Variants in MYOZ3 observed in about 807,000 individuals in gnomAD.
The protein encoded by MYOZ3 is myozenin 3.
A neutral mutation model predicts 26.5 loss-of-function variants in MYOZ3; 19 were observed. That is an observed-to-expected ratio of 0.72 (90% confidence interval 0.50 to 1.05). MYOZ3 has a LOEUF of 1.05. MYOZ3 is among the 50% of genes least tolerant of loss of function. The pLI, the probability that MYOZ3 is intolerant of heterozygous loss-of-function variation, is 0.00. For missense variants in MYOZ3, 322 were observed against 337.1 expected (o/e 0.96, Z 0.35); for synonymous variants, 135 against 138.8 (o/e 0.97, Z 0.19).
At chr5:150,670,304 T>C in intron 2 of MYOZ3, 180 bp from the exon 3 acceptor site, 1 of 560,172 alleles carries the variant, frequency 1.8e-6, no homozygotes, top group East Asian at 3.3e-5. Context: ...CAAATTAAAC[T>C]CTGAGGTGTC....
intron 2 of MYOZ3, among the ~76,000 whole-genome samples, chr5:150,666,133 C>A (rs1758805821): frequency 6.6e-6 from 1 of 150,600 alleles, no homozygotes; most frequent in African/African-American, 2.4e-5. Context: ...TTAGGTATAA[C>A]TATTCTTTTA....
chr5:150,678,715 CT>C lies in MYOZ3; in HGVS notation c.*1843del, dbSNP rs1474879394. ...AAGATGAGGACAAGTATAAAACCTC[CT>C]TTATGGGTTTGTTGTGAACACAGTG... On this transcript the variant is annotated 3_prime_UTR_variant, in exon 7 of 7. Coordinates refer to ENST00000517768, the MANE Select transcript of MYOZ3 (RefSeq NM_001122853.3). 3.9e-5 allele frequency: 6 copies of C among 152,236 alleles called. No individual in the cohort carries two copies. Among genetic ancestry groups the C allele is most frequent in the Non-Finnish European group, 7.3e-5 (5 of 68,038 alleles). 9.4% of individuals were successfully genotyped at this position (152,236 alleles called of 1,614,324 possible).
At chr5:150,669,279 C>G (rs1464012837) in intron 2 of MYOZ3, 1 of 152,082 alleles carries the variant, frequency 6.6e-6, no homozygotes, top group East Asian at 1.9e-4. Flanking sequence ...GAAACCCCAT[C>G]TCTACTAAAA....
rs756163328 is a variant in MYOZ3 at position 150,672,419 on chromosome 5, G to A, written c.504G>A (p.Trp168Ter). The change falls in exon 6 of 7, where the codon TGG becomes TGA. Residue 168 changes from tryptophan to a stop codon, truncating the protein, a stop_gained. Transcript: ENST00000517768. LOFTEE classifies it high-confidence loss of function. ...TAISKGYRCPWQEFVSYRDYQ... is the reference protein window; with the variant it reads ...TAISKGYRCP ...TCTCCAAGGGCTACCGCTGCCCTTG[G>A]CAGGAGTTCGTCAGCTACCGGGACT... The A allele has an allele frequency of 1.9e-6, 3 of 1,613,398 alleles. No homozygotes were observed. The highest frequency in any genetic ancestry group is 2.7e-5 in the African/African-American group (2 of 74,948).
intron 2 of MYOZ3, among the ~76,000 whole-genome samples, chr5:150,667,596 G>A (rs73276139): frequency 0.14 from 21,555 of 152,018 alleles, 2,889 homozygotes; most frequent in African/African-American, 0.36. Context: ...AAATGTTCCC[G>A]TCAGTTAACG....
Position 150,672,328 on chromosome 5 carries a change from C to A in MYOZ3, c.425-12C>A. On this transcript the variant is annotated splice_polypyrimidine_tract_variant and intron_variant, in intron 5 of 6. Coordinates refer to ENST00000517768, the MANE Select transcript of MYOZ3 (RefSeq NM_001122853.3). ...GAAGAACGGAGGCGCTCCCTTCCCC[C>A]CGCGCCCCTAGGCTATGCGGAGCCG... 1 of 1,590,330 alleles carries A rather than the reference C, an allele frequency of 6.3e-7. No individual in the cohort carries two copies. Among genetic ancestry groups the A allele is most frequent in the East Asian group, 2.3e-5 (1 of 43,972 alleles).
chr5:150,669,705 A>G (rs1030189726), intron 2 of MYOZ3, among the ~76,000 whole-genome samples: 1 of 129,460 alleles, frequency 7.7e-6, no homozygotes, highest in Non-Finnish European at 1.5e-5. Context: ...GAGTGCAGCA[A>G]TGCAATCTCG....
In MYOZ3 at chr5:150,678,028, A is replaced by G. The variant is rs58379139; in HGVS notation, c.*1153A>G. Reference sequence around the variant, plus strand: ...GGGAGAAGGCTGTGCTAGAGGAGCCAGTGAGGGCCAGCATGGGGTGGGCTT... The same window carrying G: ...GGGAGAAGGCTGTGCTAGAGGAGCCGGTGAGGGCCAGCATGGGGTGGGCTT... On this transcript the variant is annotated 3_prime_UTR_variant, in exon 7 of 7. Coordinates refer to ENST00000517768, the MANE Select transcript of MYOZ3 (RefSeq NM_001122853.3). 13,596 of 152,524 alleles carry G rather than the reference A, an allele frequency of 0.089. 1,902 individuals are homozygous for G. Among genetic ancestry groups the G allele is most frequent in the African/African-American group, 0.3 (12,259 of 41,452 alleles). The allele number at this position is 152,524 out of a possible 1,614,324, so 9.4% of individuals were successfully genotyped here. A position where few individuals can be genotyped will look rare whatever the true frequency, so the allele number is the denominator to read the frequency against.
Position 150,670,595 on chromosome 5 carries a change from G to A in MYOZ3, c.173G>A (p.Arg58His), listed in dbSNP as rs1758889330. 8 of 1,612,312 alleles carry A rather than the reference G, an allele frequency of 5.0e-6. No individual in the cohort carries two copies. The highest frequency in any genetic ancestry group is 5.9e-6 in the Non-Finnish European group (7 of 1,179,028). Residue 58 changes from arginine (R) to histidine (H), a missense_variant, in exon 3 of 7, where the codon CGT becomes CAT. Coordinates refer to ENST00000517768, the MANE Select transcript of MYOZ3 (RefSeq NM_001122853.3). ...CTCCTCTTCCAGAAGAGGCAGCGCC[G>A]TGTGCAGAAGTTCACTTTCGAGTTA... The part of the protein sequence containing the change: ...GSLLFQKRQR[R>H]VQKFTFELAA...
In MYOZ3 at chr5:150,671,527, G is replaced by T; in HGVS notation, c.217-70G>T. On this transcript the variant is annotated intron_variant, in intron 3 of 6. Coordinates refer to ENST00000517768, the MANE Select transcript of MYOZ3 (RefSeq NM_001122853.3). Reference sequence around the variant, plus strand: ...TGCCTCCCCCCGACCTTTTTTTTTGGTGGAGGGAGAACCCTGGTCCCCTGC... The same window carrying T: ...TGCCTCCCCCCGACCTTTTTTTTTGTTGGAGGGAGAACCCTGGTCCCCTGC... 5 of 1,532,420 alleles carry T rather than the reference G, an allele frequency of 3.3e-6. No individual in the cohort carries two copies. In the South Asian group the frequency reaches 3.5e-5, roughly 11 times the overall value. The allele number at this position is 1,532,420 out of a possible 1,614,324, so 94.9% of individuals were successfully genotyped here. A position where few individuals can be genotyped will look rare whatever the true frequency, so the allele number is the denominator to read the frequency against.
chr5:150,668,995 C>T (rs1417419401), intron 2 of MYOZ3: 1 of 152,236 alleles, frequency 6.6e-6, no homozygotes, highest in African/African-American at 2.4e-5. Flanking sequence ...CCCTCCTCAG[C>T]ACCACTACTT....
chr5:150,669,688 C>T, intron 2 of MYOZ3, among the ~76,000 whole-genome samples: 1 of 126,850 alleles, frequency 7.9e-6, no homozygotes, highest in Non-Finnish European at 1.6e-5. Flanking sequence ...CTCTGTCACC[C>T]AGGCTGGAGT....
rs1758888832 is a variant in MYOZ3 at position 150,670,582 on chromosome 5, A to G, written c.160A>G (p.Lys54Glu). The G allele has an allele frequency of 6.2e-7, 1 of 1,613,344 alleles. No individual in the cohort carries two copies. Among genetic ancestry groups the G allele is most frequent in the Non-Finnish European group, 8.5e-7 (1 of 1,179,644 alleles). ...RNNRGSLLFQ[K>E]RQRRVQKFTF... ...CAACAGAGGGTCCCTCCTCTTCCAG[A>G]AGAGGCAGCGCCGTGTGCAGAAGTT... Residue 54 changes from lysine (K) to glutamate (E), a missense_variant, in exon 3 of 7, where the codon AAG (lysine) becomes GAG (glutamate). Coordinates refer to ENST00000517768, the MANE Select transcript of MYOZ3 (RefSeq NM_001122853.3).
At chr5:150,663,088 G>C in intron 2 of MYOZ3, 86 bp downstream of exon 2, 3 of 1,177,260 alleles carry the variant, frequency 2.5e-6, no homozygotes, top group African/African-American at 3.1e-5. Flanking sequence ...GCTGGCCCCA[G>C]GCCTGGGCAG....
rs781648089 is a variant in MYOZ3, at chr5:150,677,495, G to A, written c.*620G>A. 6.6e-6 allele frequency: 1 copy of A among 152,506 alleles called. No homozygotes were observed. Among genetic ancestry groups the A allele is most frequent in the Non-Finnish European group, 1.5e-5 (1 of 68,198 alleles). The allele number at this position is 152,506 out of a possible 1,614,324, so 9.4% of individuals were successfully genotyped here. A position where few individuals can be genotyped will look rare whatever the true frequency, so the allele number is the denominator to read the frequency against. ...TTCCAGCATAACTTATCCATGGTTT[G>A]TGTCATTAGGAGTCCACATCCACAC... On this transcript the variant is annotated 3_prime_UTR_variant, in exon 7 of 7. Coordinates refer to ENST00000517768, the MANE Select transcript of MYOZ3 (RefSeq NM_001122853.3).
At position 150,665,741 on chromosome 5, in the gene MYOZ3, A is replaced by T. The variant is rs1440886804; in HGVS notation, c.61+2739A>T. On this transcript the variant is annotated intron_variant, in intron 2 of 6. Transcript: ENST00000517768. ...ACTGTGCCTGCCATTTTTTTTTTTT[A>T]AATATTGAGCTCAGCTGGGGGAGGT... Among the ~76,000 whole-genome samples, 31 of 150,522 alleles carry T rather than the reference A, an allele frequency of 2.1e-4. No individual in the cohort carries two copies. The East Asian group carries it at 3.1e-3, about 15-fold the overall frequency.
chr5:150,673,648 T>A (rs1758960316), intron 6 of MYOZ3, among the ~76,000 whole-genome samples: 1 of 152,118 alleles, frequency 6.6e-6, no homozygotes, highest in African/African-American at 2.4e-5. Flanking sequence ...CGTATTATGA[T>A]TATTATTTAC....
At chr5:150,672,525 G>A in intron 6 of MYOZ3, 23 bp downstream of exon 6, 2 of 1,524,446 alleles carry the variant, frequency 1.3e-6, no homozygotes, top group Non-Finnish European at 1.7e-6. Flanking sequence ...GGGCAGCCCG[G>A]GGGACAGACC....
intron 5 of MYOZ3, 102 bp downstream of exon 5, chr5:150,672,010 C>T: frequency 7.1e-7 from 1 of 1,416,218 alleles, no homozygotes; most frequent in South Asian, 1.4e-5. Flanking sequence ...AGTCCGCCCC[C>T]TTCCCCAACA....
Sources: allele counts gnomAD v4.1 joint callset (sites outside exome capture counted in the v4.1 genomes callset), GRCh38; gene constraint gnomAD v4.1.1; transcripts MANE v1.5; gene names NCBI Gene and HGNC (gene_info 2026-07-23, HGNC 2026-07-21).